BTC: variants seen among roughly 807,000 people sequenced by gnomAD.
The protein encoded by BTC is probetacellulin.
Under a neutral mutation model 18.1 loss-of-function variants are expected in BTC, and 13 were observed. The observed-to-expected ratio is 0.72, with a 90% CI of 0.47 to 1.14. The LOEUF is 1.14. Among genes scored for constraint, BTC ranks in the 50% most tolerant of loss-of-function variants. BTC has a pLI of 0.00. For missense variants in BTC, 247 were observed against 224.2 expected, an observed-to-expected ratio of 1.10 and a Z score of -0.65; for synonymous variants, 83 against 79.4, an observed-to-expected ratio of 1.05 and a Z score of -0.24.
At chr4:74,757,047 G>A (rs1388291068) in intron 2 of BTC, among the ~76,000 whole-genome samples, 6 of 152,104 alleles carry the variant, frequency 3.9e-5, no homozygotes, top group Non-Finnish European at 5.9e-5. Flanking sequence ...AACTTTCCAC[G>A]TTCATGGTAT....
chr4:74,781,833 A>G (rs1431658046), intron 1 of BTC, among the ~76,000 whole-genome samples: 1 of 152,050 alleles, frequency 6.6e-6, no homozygotes, highest in African/African-American at 2.4e-5. Flanking sequence ...CATCTTGCAA[A>G]ACTAAAACTC....
chr4:74,782,089 A>G (rs77395632), intron 1 of BTC, among the ~76,000 whole-genome samples: 3,654 of 152,258 alleles, frequency 0.024, 138 homozygotes, highest in African/African-American at 0.084. Flanking sequence ...TGATTCAGGT[A>G]TATTTCCAGC....
At chr4:74,758,235 G>A (rs1724655658) in intron 2 of BTC, among the ~76,000 whole-genome samples, 1 of 152,194 alleles carries the variant, frequency 6.6e-6, no homozygotes, top group South Asian at 2.1e-4. Context: ...ATGAAAGTTA[G>A]AAATCTCAGA....
chr4:74,791,602 T>G (rs1001158264), intron 1 of BTC, among the ~76,000 whole-genome samples: 1 of 152,210 alleles, frequency 6.6e-6, no homozygotes, highest in African/African-American at 2.4e-5. Flanking sequence ...CTTCTTTTTA[T>G]ATCTCCAACC....
chr4:74,749,931 CAAAA>C (rs782482968), intron 4 of BTC, among the ~76,000 whole-genome samples: 2 of 74,046 alleles, frequency 2.7e-5, no homozygotes, highest in East Asian at 5.6e-4. Context: ...CCAGTCTCCA[CAAAA>C]AAAAAAAAAA....
chr4:74,775,747 T>C (rs1350610853), intron 1 of BTC, among the ~76,000 whole-genome samples: 2 of 152,246 alleles, frequency 1.3e-5, no homozygotes. Flanking sequence ...CCTGTTATTT[T>C]ACTCTGCTCC....
At chr4:74,781,590 T>A (rs1279074426) in intron 1 of BTC, among the ~76,000 whole-genome samples, 2 of 152,094 alleles carry the variant, frequency 1.3e-5, no homozygotes, top group African/African-American at 4.8e-5. Context: ...CCCCCATTGT[T>A]GGCTTCCTGG....
At chr4:74,755,752 G>C (rs1724579163) in intron 3 of BTC, 107 bp downstream of exon 3, 1 of 1,055,232 alleles carries the variant, frequency 9.5e-7, no homozygotes, top group Non-Finnish European at 1.4e-6. Context: ...AGGCAGAACT[G>C]TGTTCGGACA....
intron 2 of BTC, among the ~76,000 whole-genome samples, chr4:74,764,630 T>A (rs149026666): frequency 1.1e-3 from 172 of 152,272 alleles, no homozygotes; most frequent in African/African-American, 3.9e-3. Context: ...ATATACACCA[T>A]GAAATACTAC....
chr4:74,755,359 G>A (rs1724569893), intron 3 of BTC, among the ~76,000 whole-genome samples: 3 of 152,138 alleles, frequency 2.0e-5, no homozygotes, highest in Admixed American at 2.0e-4. Context: ...CAAATACAAA[G>A]AGTTGAAAAG....
intron 2 of BTC, among the ~76,000 whole-genome samples, chr4:74,760,444 G>A (rs1348035656): frequency 6.6e-6 from 1 of 152,086 alleles, no homozygotes; most frequent in Non-Finnish European, 1.5e-5. Flanking sequence ...AAATTTCTTA[G>A]GCCAAAATGT....
chr4:74,766,804 A>G (rs1156666052), intron 2 of BTC, among the ~76,000 whole-genome samples: 1 of 152,088 alleles, frequency 6.6e-6, no homozygotes, highest in African/African-American at 2.4e-5. Flanking sequence ...ACATTATAAG[A>G]AAAGAAAACT....
intron 4 of BTC, among the ~76,000 whole-genome samples, chr4:74,749,161 G>A (rs1724377976): frequency 6.6e-6 from 1 of 152,068 alleles, no homozygotes; most frequent in South Asian, 2.1e-4. Context: ...CGGGCGCGGT[G>A]GCTCATGCCT....
intron 1 of BTC, among the ~76,000 whole-genome samples, chr4:74,789,591 G>A (rs1009539235): frequency 3.9e-5 from 6 of 152,018 alleles, no homozygotes; most frequent in African/African-American, 1.4e-4. Context: ...ATGTTACAAG[G>A]CAACCATTAT....
chr4:74,792,187 C>A (rs1368167894), intron 1 of BTC, among the ~76,000 whole-genome samples: 1 of 152,146 alleles, frequency 6.6e-6, no homozygotes, highest in Non-Finnish European at 1.5e-5. Flanking sequence ...AGAAATAGAG[C>A]TTTAAGGGGA....
At chr4:74,789,876 G>A (rs537989593) in intron 1 of BTC, among the ~76,000 whole-genome samples, 1 of 152,258 alleles carries the variant, frequency 6.6e-6, no homozygotes, top group South Asian at 2.1e-4. Context: ...TGCTAGTGCA[G>A]TCTAACTTCT....
intron 4 of BTC, 80 bp downstream of exon 4, chr4:74,750,493 T>G (rs1259495433): frequency 8.5e-6 from 12 of 1,412,036 alleles, no homozygotes; most frequent in Middle Eastern, 1.9e-4. Flanking sequence ...AAAGAGAATG[T>G]AAAGAGGAAG....
At chr4:74,750,082 C>T (rs1242433236) in intron 4 of BTC, among the ~76,000 whole-genome samples, 1 of 151,848 alleles carries the variant, frequency 6.6e-6, no homozygotes, top group African/African-American at 2.4e-5. Flanking sequence ...GGCAAAAGAG[C>T]GAGACTCTGT....
At chr4:74,791,591 CCTT>C (rs1388938851) in intron 1 of BTC, among the ~76,000 whole-genome samples, 1 of 151,980 alleles carries the variant, frequency 6.6e-6, no homozygotes, top group Non-Finnish European at 1.5e-5. Context: ...TTATGGTATA[CCTT>C]CTTTTTATAT....
Sources: allele counts gnomAD v4.1 joint callset (sites outside exome capture counted in the v4.1 genomes callset), GRCh38; gene constraint gnomAD v4.1.1; transcripts MANE v1.5; gene names NCBI Gene and HGNC (gene_info 2026-07-23, HGNC 2026-07-21).